ADARB2: variants seen among roughly 807,000 people sequenced by gnomAD.
ADARB2 encodes inactive double-stranded RNA-specific editase B2.
Under a neutral mutation model 62.2 loss-of-function variants are expected in ADARB2, and 25 were observed. The observed-to-expected ratio is 0.40, with a 90% confidence interval of 0.29 to 0.56. The LOEUF is 0.56. Among genes scored for constraint, ADARB2 ranks in the 20% least tolerant of loss-of-function variants. The pLI is 0.43. For synonymous variants in ADARB2, 572 were observed against 500.8 expected, an observed-to-expected ratio of 1.14 and a Z score of -1.90; for missense variants, 1,071 against 1,077.4, an observed-to-expected ratio of 0.99 and a Z score of 0.08.
At chr10:1,711,644 A>G (rs1007444530) in intron 1 of ADARB2, among the ~76,000 whole-genome samples, 2 of 152,224 alleles carry the variant, frequency 1.3e-5, no homozygotes, top group Non-Finnish European at 2.9e-5. Flanking sequence ...ATTTCTCAGG[A>G]ACACAGTTGT....
At chr10:1,359,006 G>A (rs368308408) in intron 3 of ADARB2, among the ~76,000 whole-genome samples, 5 of 152,192 alleles carry the variant, frequency 3.3e-5, no homozygotes, top group African/African-American at 1.2e-4. Flanking sequence ...TTTTTGCTTA[G>A]GAATTCTTTT....
intron 1 of ADARB2, among the ~76,000 whole-genome samples, chr10:1,576,901 TCC>T: frequency 6.6e-6 from 1 of 152,052 alleles, no homozygotes; most frequent in East Asian, 1.9e-4. Context: ...AAGCCTCAGT[TCC>T]CCTTCTGGTC....
At chr10:1,271,401 C>T (rs118061722) in intron 3 of ADARB2, among the ~76,000 whole-genome samples, 6 of 152,256 alleles carry the variant, frequency 3.9e-5, no homozygotes, top group Admixed American at 1.3e-4. Context: ...AGTCTTTCGG[C>T]GGGGAGGGAA....
At chr10:1,702,754 A>G (rs12245738) in intron 1 of ADARB2, among the ~76,000 whole-genome samples, 1,724 of 152,244 alleles carry the variant, frequency 0.011, 33 homozygotes, top group African/African-American at 0.039. Context: ...GCTCTCGCTG[A>G]TTTTCTCCCA....
At chr10:1,422,170 G>A (rs1832857532) in intron 1 of ADARB2, among the ~76,000 whole-genome samples, 1 of 152,206 alleles carries the variant, frequency 6.6e-6, no homozygotes, top group African/African-American at 2.4e-5. Flanking sequence ...GAATAGAACG[G>A]GGACGTCAAG....
Position 1,311,475 on chromosome 10 carries a change from G to GA in ADARB2, c.1078-40407dup, listed in dbSNP as rs967646355. On this transcript the variant is annotated intron_variant, in intron 3 of 9. Coordinates refer to ENST00000381312, the MANE Select transcript of ADARB2 (RefSeq NM_018702.4). ...TGCTTAGTGGGTTCTTCCGGGAAATGAAAAAAAAAGACACCTGACGTTGTT... is the reference window on the plus strand; with the variant it reads ...TGCTTAGTGGGTTCTTCCGGGAAATGAAAAAAAAAAGACACCTGACGTTGTT... Among the ~76,000 whole-genome samples the GA allele has an allele frequency of 3.0e-3, 454 of 150,490 alleles. 2 individuals carry two copies. The highest frequency in any genetic ancestry group is 1.0e-2 in the African/African-American group (410 of 41,020).
chr10:1,199,807 C>T, intron 8 of ADARB2, 159 bp downstream of exon 8: 1 of 769,582 alleles, frequency 1.3e-6, no homozygotes, highest in South Asian at 2.2e-5. Flanking sequence ...TGAAACCTTT[C>T]ATTTTTTCTT....
rs546422900 is a variant in ADARB2, at chr10:1,695,133, A to T, written c.100+41918T>A. Among the ~76,000 whole-genome samples the T allele has an allele frequency of 3.3e-5, 5 of 152,296 alleles. No homozygotes were observed. The South Asian group carries it at 1.0e-3, about 32-fold the overall frequency. On this transcript the variant is annotated intron_variant, in intron 1 of 9. Coordinates refer to ENST00000381312, the MANE Select transcript of ADARB2 (RefSeq NM_018702.4). ...CATCTGTTCAGCAGACGGTTCACTC[A>T]CCACCAGCAGCCTCAGATGGTCAGG...
intron 8 of ADARB2, among the ~76,000 whole-genome samples, chr10:1,190,979 G>A (rs1300138687): frequency 2.0e-5 from 3 of 152,180 alleles, no homozygotes; most frequent in Admixed American, 6.5e-5. Flanking sequence ...CACGCTCTGG[G>A]CCCCACACTT....
At chr10:1,524,460 C>T (rs1387704946) in intron 1 of ADARB2, among the ~76,000 whole-genome samples, 1 of 152,344 alleles carries the variant, frequency 6.6e-6, no homozygotes, top group East Asian at 1.9e-4. Context: ...GACCTGCTGG[C>T]ATCACAAGTT....
chr10:1,539,712 T>C (rs1032389326), intron 1 of ADARB2, among the ~76,000 whole-genome samples: 10 of 152,250 alleles, frequency 6.6e-5, no homozygotes, highest in Non-Finnish European at 1.3e-4. Flanking sequence ...ATCAAACGTA[T>C]ATTTTATGTG....
intron 1 of ADARB2, among the ~76,000 whole-genome samples, chr10:1,395,737 T>A (rs1409088081): frequency 6.6e-6 from 1 of 152,160 alleles, no homozygotes; most frequent in Admixed American, 6.5e-5. Context: ...GGGAATCCAA[T>A]GAGACAAGGA....
intron 1 of ADARB2, among the ~76,000 whole-genome samples, chr10:1,667,473 A>G (rs956716556): frequency 8.5e-5 from 13 of 152,238 alleles, no homozygotes; most frequent in African/African-American, 3.1e-4. Flanking sequence ...TTTTAATTTC[A>G]TAGATCATAC....
intron 1 of ADARB2, among the ~76,000 whole-genome samples, chr10:1,560,708 G>A (rs1345771270): frequency 6.6e-6 from 1 of 152,192 alleles, no homozygotes; most frequent in African/African-American, 2.4e-5. Flanking sequence ...CTCTCGCCCA[G>A]GCAGGCAAGC....
intron 1 of ADARB2, among the ~76,000 whole-genome samples, chr10:1,407,928 G>C (rs1832720815): frequency 6.6e-6 from 1 of 152,142 alleles, no homozygotes; most frequent in African/African-American, 2.4e-5. Flanking sequence ...TGCTTTCTTT[G>C]ACTCTAAAAT....
In ADARB2 at chr10:1,352,911, A is replaced by G. The variant is rs144699912; in HGVS notation, c.1077+10117T>C. Among the ~76,000 whole-genome samples the G allele has an allele frequency of 6.5e-3, 987 of 152,036 alleles. 15 individuals are homozygous for G. The highest frequency in any genetic ancestry group is 0.022 in the African/African-American group (925 of 41,428). ...TTCTTCCCTGTTCCTCACCTTGATC[A>G]CATTTAGTTTATTGATGGCAGTTCC... is the stretch of plus-strand genomic sequence containing the variant. On this transcript the variant is annotated intron_variant, in intron 3 of 9. Transcript: ENST00000381312.
intron 3 of ADARB2, among the ~76,000 whole-genome samples, chr10:1,312,206 C>A (rs1831698410): frequency 6.6e-6 from 1 of 152,192 alleles, no homozygotes; most frequent in Admixed American, 6.5e-5. Context: ...AGCATGCGAA[C>A]CTTGGTGGGT....
chr10:1,219,927 ATGG>A (rs1387506527), intron 6 of ADARB2, among the ~76,000 whole-genome samples: 2 of 130,310 alleles, frequency 1.5e-5, no homozygotes, highest in Non-Finnish European at 3.2e-5. Context: ...GATGATGGTG[ATGG>A]TGATGATGGT....
chr10:1,577,318 T>C (rs1564336049), intron 1 of ADARB2, among the ~76,000 whole-genome samples: 6 of 149,108 alleles, frequency 4.0e-5, no homozygotes, highest in Middle Eastern at 3.5e-3. Flanking sequence ...CATCCTGGTG[T>C]AAGGCCATCC....
Sources: allele counts gnomAD v4.1 joint callset (sites outside exome capture counted in the v4.1 genomes callset), GRCh38; gene constraint gnomAD v4.1.1; transcripts MANE v1.5; gene names NCBI Gene and HGNC (gene_info 2026-07-23, HGNC 2026-07-21).